Variants in CTNNA2 observed in about 807,000 individuals in gnomAD.
The protein encoded by CTNNA2 is catenin alpha-2.
Under a neutral mutation model 101.0 loss-of-function variants are expected in CTNNA2, and 42 were observed. That is an observed-to-expected ratio of 0.42 (90% CI 0.32 to 0.54). The LOEUF (loss-of-function observed/expected upper bound fraction) is 0.54. Among genes scored for constraint, CTNNA2 ranks in the 20% least tolerant of loss-of-function variants. CTNNA2 has a pLI of 0.14. For missense variants in CTNNA2, 871 were observed against 1,223.1 expected (o/e 0.71, Z 4.29); for synonymous variants, 450 against 456.4 (o/e 0.99, Z 0.18).
At position 79,874,175 on chromosome 2, in the gene CTNNA2, C is replaced by T. The variant is rs1419185964; in HGVS notation, c.685C>T (p.Arg229Cys). 5 of 1,614,174 alleles carry T rather than the reference C, an allele frequency of 3.1e-6. No homozygotes were observed. Among genetic ancestry groups the T allele is most frequent in the Admixed American group, 1.7e-5 (1 of 60,016 alleles). The change falls in exon 6 of 19, where the codon CGC (arginine) becomes TGC (cysteine). Residue 229 changes from arginine (R) to cysteine (C), a missense_variant. This residue lies in a region of CTNNA2 where 647 missense variants were observed against 831.5 expected (regional missense o/e 0.78). Transcript: ENST00000402739. ...GTACACGGCCTCTCAAGCATTTCTC[C>T]GCCACCCAGATGTCGCCGCTACGAG... The part of the protein sequence containing the change: ...MLYTASQAFL[R>C]HPDVAATRAN...
chr2:80,542,940 G>A (rs953201901), intron 9 of CTNNA2, among the ~76,000 whole-genome samples: 2 of 152,066 alleles, frequency 1.3e-5, no homozygotes, highest in Non-Finnish European at 2.9e-5. Context: ...CCACAGATCA[G>A]AATGTAGGAA....
chr2:79,230,753 C>T (rs947952399), intron 2 of CTNNA2, among the ~76,000 whole-genome samples: 4 of 152,184 alleles, frequency 2.6e-5, no homozygotes, highest in Non-Finnish European at 5.9e-5. Context: ...AAGAGGGAGG[C>T]TGTACCCTGC....
intron 12 of CTNNA2, among the ~76,000 whole-genome samples, chr2:80,564,928 G>A (rs935293339): frequency 2.6e-5 from 4 of 152,124 alleles, no homozygotes; most frequent in Non-Finnish European, 5.9e-5. Context: ...CTAGGCAGAG[G>A]AAGATTGAAA....
Position 79,948,561 on chromosome 2 carries a change from T to C in CTNNA2, c.1056+38764T>C, listed in dbSNP as rs186727746. On this transcript the variant is annotated intron_variant, in intron 7 of 18. Transcript: ENST00000402739. ...TTTTGTTTTGTTAAAAGAGAAGATATTGATGTGAGAGAGCTAAGCTCTGAC... is the reference window on the plus strand; with the variant it reads ...TTTTGTTTTGTTAAAAGAGAAGATACTGATGTGAGAGAGCTAAGCTCTGAC... Among the ~76,000 whole-genome samples the C allele has an allele frequency of 1.1e-4, 16 of 152,316 alleles. No individual in the cohort carries two copies. In the East Asian group the frequency reaches 3.1e-3, roughly 29 times the overall value.
At chr2:80,354,875 G>A (rs556419173) in intron 7 of CTNNA2, among the ~76,000 whole-genome samples, 1 of 152,264 alleles carries the variant, frequency 6.6e-6, no homozygotes, top group East Asian at 1.9e-4. Flanking sequence ...TGCTGTCAGG[G>A]GTGCTGGGTC....
At chr2:79,870,664 G>C (rs1682517525) in intron 5 of CTNNA2, among the ~76,000 whole-genome samples, 1 of 152,132 alleles carries the variant, frequency 6.6e-6, no homozygotes, top group African/African-American at 2.4e-5. Context: ...TTCCACATGG[G>C]TGGGGAGGCC....
intron 7 of CTNNA2, among the ~76,000 whole-genome samples, chr2:79,914,605 TTA>T (rs1299906328): frequency 2.0e-5 from 3 of 152,190 alleles, no homozygotes; most frequent in Non-Finnish European, 2.9e-5. Flanking sequence ...TAAGACTAAT[TTA>T]GAGCTACAGT....
chr2:79,369,523 C>T (rs1677823963), intron 3 of CTNNA2, among the ~76,000 whole-genome samples: 1 of 152,168 alleles, frequency 6.6e-6, no homozygotes, highest in African/African-American at 2.4e-5. Flanking sequence ...CATGACTGCT[C>T]TTCCAGTGTG....
chr2:80,193,041 G>A, intron 7 of CTNNA2, among the ~76,000 whole-genome samples: 1 of 152,106 alleles, frequency 6.6e-6, no homozygotes, highest in East Asian at 1.9e-4. Context: ...TGAAATTACT[G>A]TCCCTCAATT....
In CTNNA2 at chr2:79,431,887, A is replaced by C. The variant is rs747501548; in HGVS notation, c.-135+57874A>C. Among the ~76,000 whole-genome samples the C allele has an allele frequency of 4.4e-4, 67 of 152,160 alleles. 3 individuals carry two copies. The highest frequency in any genetic ancestry group is 1.5e-4 in the Non-Finnish European group (10 of 68,026). Reference sequence around the variant, plus strand: ...GATGTTATCTTTCCTCACATACTCAATATGCAATTGTGGAACAGAAAGCAA... The same window carrying C: ...GATGTTATCTTTCCTCACATACTCACTATGCAATTGTGGAACAGAAAGCAA... On this transcript the variant is annotated intron_variant, in intron 4 of 21. Coordinates refer to the CTNNA2 transcript ENST00000466387.
chr2:80,556,997 G>A (rs576161340), intron 12 of CTNNA2, among the ~76,000 whole-genome samples: 2 of 152,258 alleles, frequency 1.3e-5, no homozygotes, highest in South Asian at 4.1e-4. Flanking sequence ...TGCTTTTTAT[G>A]GGGAAAAGAT....
intron 4 of CTNNA2, among the ~76,000 whole-genome samples, chr2:79,458,688 C>T (rs1002905028): frequency 1.3e-5 from 2 of 152,138 alleles, no homozygotes; most frequent in African/African-American, 4.8e-5. Flanking sequence ...ATTTGCCATG[C>T]TTTACAGTGA....
At chr2:79,896,792 G>GA (rs1684742211) in intron 6 of CTNNA2, among the ~76,000 whole-genome samples, 1 of 152,224 alleles carries the variant, frequency 6.6e-6, no homozygotes, top group African/African-American at 2.4e-5. Context: ...GTTAAAGATC[G>GA]TGTTTCCAGA....
At chr2:79,967,331 C>T (rs1320240150) in intron 7 of CTNNA2, among the ~76,000 whole-genome samples, 2 of 152,118 alleles carry the variant, frequency 1.3e-5, no homozygotes, top group East Asian at 3.9e-4. Flanking sequence ...AGGAGTTGTG[C>T]TTGCCTCCTA....
intron 7 of CTNNA2, among the ~76,000 whole-genome samples, chr2:80,252,933 G>A (rs1219203977): frequency 6.6e-6 from 1 of 152,094 alleles, no homozygotes; most frequent in Non-Finnish European, 1.5e-5. Context: ...TGGGAAGGGG[G>A]ATGGTGATAT....
At chr2:80,068,338 A>T (rs1698111983) in intron 7 of CTNNA2, among the ~76,000 whole-genome samples, 1 of 152,220 alleles carries the variant, frequency 6.6e-6, no homozygotes, top group South Asian at 2.1e-4. Context: ...GCACTAGGTA[A>T]CAGGGAGGTC....
chr2:79,338,715 A>G (rs751284953), intron 3 of CTNNA2, among the ~76,000 whole-genome samples: 3 of 151,686 alleles, frequency 2.0e-5, no homozygotes, highest in Non-Finnish European at 2.9e-5. Context: ...TGGAGACACT[A>G]TAGGAACCCA....
intron 4 of CTNNA2, among the ~76,000 whole-genome samples, chr2:79,423,231 C>T (rs1469622949): frequency 6.6e-6 from 1 of 152,162 alleles, no homozygotes; most frequent in African/African-American, 2.4e-5. Context: ...CATGTAGGTA[C>T]TCTGGTCAAT....
Position 79,613,250 on chromosome 2 carries a change from A to C in CTNNA2, c.-5-38302A>C, listed in dbSNP as rs145156425. On this transcript the variant is annotated intron_variant, in intron 1 of 18. Coordinates refer to ENST00000402739, the MANE Select transcript of CTNNA2 (RefSeq NM_001282597.3). ...AAATGTGTAGTGAAGCTTCAACCTC[A>C]GGAAGTCATATCAGACTCACAGATT... is the stretch of plus-strand genomic sequence containing the variant. Among the ~76,000 whole-genome samples, 4 of 151,788 alleles carry C rather than the reference A, an allele frequency of 2.6e-5. No individual in the cohort carries two copies. In the East Asian group the frequency reaches 7.7e-4, roughly 29 times the overall value.
Sources: gnomAD v4.1 joint callset for allele counts (sites outside exome capture counted in the v4.1 genomes callset) on GRCh38, gnomAD v4.1.1 for gene constraint, gnomAD v4.1.1 regional missense constraint, MANE v1.5 for transcripts, NCBI Gene and HGNC (gene_info 2026-07-23, HGNC 2026-07-21) for gene names.